The following TCN2 variants were observed in gnomAD, a reference collection of about 807,000 sequenced individuals.
The protein encoded by TCN2 is transcobalamin 2, also known as transcobalamin-2.
In TCN2, 34 loss-of-function variants were observed where a neutral mutation model predicts 48.6. The observed-to-expected ratio is 0.70, with a 90% CI of 0.53 to 0.93. The LOEUF (loss-of-function observed/expected upper bound fraction) is 0.93, where lower values mean the gene tolerates loss of function less well. Among genes scored for constraint, TCN2 ranks in the 40% least tolerant of loss-of-function variants. TCN2 has a pLI of 0.00. For synonymous variants in TCN2, 283 were observed against 212.5 expected (o/e 1.33, Z -2.89); for missense variants, 652 against 526.1 (o/e 1.24, Z -2.34).
intron 7 of TCN2, 112 bp downstream of exon 7, chr22:30,617,607 C>T (rs2087632667): frequency 1.4e-6 from 2 of 1,409,682 alleles, no homozygotes. Flanking sequence ...AGACACTGGC[C>T]CTGCTTCTGC....
intron 1 of TCN2, among the ~76,000 whole-genome samples, 155 bp from the exon 2 acceptor site, chr22:30,610,716 C>A (rs1364825450): frequency 6.6e-6 from 1 of 152,234 alleles, no homozygotes; most frequent in African/African-American, 2.4e-5. Flanking sequence ...CACTGCCTTT[C>A]AGTATGGCTG....
At chr22:30,620,789 G>A (rs942684340) in intron 7 of TCN2, among the ~76,000 whole-genome samples, 2 of 152,184 alleles carry the variant, frequency 1.3e-5, no homozygotes, top group African/African-American at 2.4e-5. Flanking sequence ...GCCTCAACTG[G>A]GTTCAGGCAT....
chr22:30,617,939 T>A (rs982912782), intron 7 of TCN2, among the ~76,000 whole-genome samples: 5 of 152,062 alleles, frequency 3.3e-5, no homozygotes, highest in African/African-American at 1.2e-4. Flanking sequence ...TTTTTGTTTG[T>A]TTGTTTGTTT....
rs2087816591 is a variant in TCN2, at chr22:30,626,718, C to T, written c.*197C>T. The T allele has an allele frequency of 1.5e-6, 1 of 655,274 alleles. No homozygotes were observed. Among genetic ancestry groups the T allele is most frequent in the Non-Finnish European group, 2.7e-6 (1 of 369,542 alleles). 40.6% of individuals were successfully genotyped at this position (655,274 alleles called of 1,614,324 possible). A position where few individuals can be genotyped will look rare whatever the true frequency, so the allele number is the denominator to read the frequency against. On this transcript the variant is annotated 3_prime_UTR_variant, in exon 9 of 9. Transcript: ENST00000215838. ...GCCCACCTTGGAGCAGAGAGCCAAG[C>T]ATCTTCCCTGGGAAGTCTTTCTGGC...
chr22:30,624,165 T>C (rs4375972), intron 8 of TCN2, among the ~76,000 whole-genome samples: 55,625 of 93,590 alleles, frequency 0.59, 18,310 homozygotes, highest in African/African-American at 0.84. Context: ...GCCTCTGCCT[T>C]CTGAGCTCAA....
chr22:30,620,304 T>A (rs951808290), intron 7 of TCN2, among the ~76,000 whole-genome samples: 1 of 152,184 alleles, frequency 6.6e-6, no homozygotes, highest in Non-Finnish European at 1.5e-5. Flanking sequence ...ACAAAAAAAG[T>A]CCTTTCTCTT....
In TCN2 at chr22:30,607,236, G is replaced by A. The variant is rs541761648; in HGVS notation, c.-96G>A. The A allele has an allele frequency of 1.1e-4, 148 of 1,324,030 alleles. 1 individual carries two copies. The South Asian group carries it at 1.2e-3, about 11-fold the overall frequency. 82.0% of individuals were successfully genotyped at this position (1,324,030 alleles called of 1,614,324 possible). On this transcript the variant is annotated 5_prime_UTR_variant, in exon 1 of 9. Coordinates refer to ENST00000215838, the MANE Select transcript of TCN2 (RefSeq NM_000355.4). ...TCAGTGACAGGAAGCTGCGTCTCTC[G>A]GAGCGGTGACCAGCTGTGGTCAGGA...
At chr22:30,616,779 C>T (rs565641434) in intron 6 of TCN2, among the ~76,000 whole-genome samples, 63 of 152,164 alleles carry the variant, frequency 4.1e-4, no homozygotes, top group African/African-American at 1.3e-3. Flanking sequence ...TCAGCCTGGG[C>T]GACAGTGTGA....
intron 1 of TCN2, 74 bp downstream of exon 1, chr22:30,607,469 G>A (rs2145529310): frequency 1.3e-6 from 2 of 1,538,780 alleles, no homozygotes; most frequent in African/African-American, 1.4e-5. Flanking sequence ...ATAGGATGAG[G>A]GAACTTACCT....
intron 8 of TCN2, chr22:30,623,297 A>C (rs891425850): frequency 1.5e-5 from 2 of 134,630 alleles, no homozygotes; most frequent in South Asian, 2.6e-4. Context: ...GACAGATTAC[A>C]AAAAAAAAAA....
chr22:30,624,053 C>CATATGTATACATATAT (rs1569047261), intron 8 of TCN2, among the ~76,000 whole-genome samples: 1 of 15,286 alleles, frequency 6.5e-5, no homozygotes. Flanking sequence ...TACACACACA[C>CATATGTATACATATAT]ACACACACAT....
intron 4 of TCN2, 31 bp downstream of exon 4, chr22:30,614,532 C>G (rs1278126847): frequency 4.3e-6 from 7 of 1,613,508 alleles, no homozygotes; most frequent in East Asian, 4.5e-5. Flanking sequence ...CAAGGCCAGG[C>G]TGGCACTCCC....
chr22:30,610,359 G>A, intron 1 of TCN2: 1 of 462,628 alleles, frequency 2.2e-6, no homozygotes, highest in South Asian at 1.6e-5. Flanking sequence ...CATGTGGGCT[G>A]ATGTTTTTGT....
Position 30,623,849 on chromosome 22 carries a change from T to TACAC in TCN2, c.1222+768_1222+771dup, listed in dbSNP as rs1291629424. On this transcript the variant is annotated intron_variant, in intron 8 of 8. Transcript: ENST00000215838. ...ACACACACATATACACACACATACA[T>TACAC]ACACATACATACACACATATATACA... 1.2e-4 allele frequency among the ~76,000 whole-genome samples: 4 copies of TACAC among 34,188 alleles called. 2 individuals carry two copies. The highest frequency in any genetic ancestry group is 9.3e-4 in the African/African-American group (4 of 4,280). The allele number at this position is 34,188 out of a possible 152,430, so 22.4% of individuals were successfully genotyped here. A position where few individuals can be genotyped will look rare whatever the true frequency, so the allele number is the denominator to read the frequency against.
At chr22:30,614,019 C>G (rs1569040280) in intron 3 of TCN2, among the ~76,000 whole-genome samples, 2 of 152,200 alleles carry the variant, frequency 1.3e-5, no homozygotes. Context: ...CCAGCATTAC[C>G]TCCTTGGAGA....
Position 30,626,852 on chromosome 22 carries a change from A to C in TCN2, c.*331A>C. 1 of 439,606 alleles carries C rather than the reference A, an allele frequency of 2.3e-6. No homozygotes were observed. The allele number at this position is 439,606 out of a possible 1,614,324, so 27.2% of individuals were successfully genotyped here. On this transcript the variant is annotated 3_prime_UTR_variant, in exon 9 of 9. Transcript: ENST00000215838. ...GCAAAAAACGGAGTCCGCAGGCCGCAGGTGTTGTGAAGACCACTCGTTCTG... is the reference window on the plus strand; with the variant it reads ...GCAAAAAACGGAGTCCGCAGGCCGCCGGTGTTGTGAAGACCACTCGTTCTG...
intron 7 of TCN2, among the ~76,000 whole-genome samples, chr22:30,618,026 G>A (rs1319125254): frequency 2.6e-5 from 4 of 151,700 alleles, no homozygotes; most frequent in Admixed American, 1.3e-4. Flanking sequence ...CTGCAGTCTC[G>A]AACTCTGGGG....
At position 30,617,375 on chromosome 22, in the gene TCN2, T is replaced by C; in HGVS notation, c.986T>C (p.Ile329Thr). The C allele has an allele frequency of 6.2e-7, 1 of 1,614,058 alleles. No homozygotes were observed. The highest frequency in any genetic ancestry group is 8.5e-7 in the Non-Finnish European group (1 of 1,180,006). The change falls in exon 7 of 9, where the codon ATC (isoleucine) becomes ACC (threonine). Residue 329 changes from isoleucine to threonine, a missense_variant. Transcript: ENST00000215838. ...AAETIPQTQE[I>T]ISVTLQVLSL... ...GAGACCATTCCTCAGACCCAAGAGA[T>C]CATCAGTGTCACGCTGCAGGTGCTT... is the stretch of plus-strand genomic sequence containing the variant.
intron 7 of TCN2, among the ~76,000 whole-genome samples, chr22:30,619,036 C>T (rs1312703609): frequency 6.6e-6 from 1 of 152,176 alleles, no homozygotes; most frequent in Non-Finnish European, 1.5e-5. Context: ...TCCCAAAGTG[C>T]CGGGATTACA....
Sources: gnomAD v4.1 joint callset for allele counts (sites outside exome capture counted in the v4.1 genomes callset) on GRCh38, gnomAD v4.1.1 for gene constraint, MANE v1.5 for transcripts, NCBI Gene and HGNC (gene_info 2026-07-23, HGNC 2026-07-21) for gene names.